The following RBFOX1 variants were observed in gnomAD, a reference collection of about 807,000 sequenced individuals.
The protein encoded by RBFOX1 is RNA binding fox-1 homolog 1.
In RBFOX1, 8 loss-of-function variants were observed where a neutral mutation model predicts 57.7. That is an observed-to-expected ratio of 0.14 (90% confidence interval 0.08 to 0.25). RBFOX1 has a LOEUF of 0.25. Ranked by LOEUF, RBFOX1 falls within the 10% of genes least tolerant of loss-of-function variation. The pLI, the probability that RBFOX1 is intolerant of heterozygous loss-of-function variation, is 1.00. For missense variants in RBFOX1, 611 were observed against 548.5 expected, an observed-to-expected ratio of 1.11 and a Z score of -1.14; for synonymous variants, 326 against 222.4, an observed-to-expected ratio of 1.47 and a Z score of -4.15.
At chr16:5,779,335 C>T (rs748365307) in intron 3 of RBFOX1, among the ~76,000 whole-genome samples, 1 of 152,156 alleles carries the variant, frequency 6.6e-6, no homozygotes, top group Non-Finnish European at 1.5e-5. Flanking sequence ...CAAACTTGAT[C>T]TCTGCTCCCT....
chr16:6,969,494 G>A (rs2085036505), intron 3 of RBFOX1, among the ~76,000 whole-genome samples: 2 of 152,072 alleles, frequency 1.3e-5, no homozygotes, highest in Admixed American at 6.5e-5. Flanking sequence ...CAGCACTTCA[G>A]GAGGCCAACG....
chr16:5,866,127 C>G (rs1470960637), intron 3 of RBFOX1, among the ~76,000 whole-genome samples: 1 of 152,102 alleles, frequency 6.6e-6, no homozygotes, highest in Non-Finnish European at 1.5e-5. Context: ...ACCACCATGC[C>G]CAGCTAATTT....
intron 2 of RBFOX1, among the ~76,000 whole-genome samples, chr16:6,565,029 G>A (rs1022505098): frequency 4.0e-5 from 6 of 150,306 alleles, no homozygotes. Flanking sequence ...TAATCCTGGG[G>A]AGACTAAACA....
intron 2 of RBFOX1, among the ~76,000 whole-genome samples, chr16:5,563,824 G>T (rs541831354): frequency 6.6e-6 from 1 of 152,158 alleles, no homozygotes; most frequent in East Asian, 1.9e-4. Context: ...GTACCTTTTA[G>T]CAGCCACATC....
chr16:5,658,634 C>G (rs2049535226), intron 3 of RBFOX1, among the ~76,000 whole-genome samples: 1 of 151,810 alleles, frequency 6.6e-6, no homozygotes, highest in Non-Finnish European at 1.5e-5. Flanking sequence ...AGTTACTTCC[C>G]TTAGAATAAT....
At chr16:6,189,895 T>C (rs2097131237) in intron 1 of RBFOX1, among the ~76,000 whole-genome samples, 1 of 152,244 alleles carries the variant, frequency 6.6e-6, no homozygotes, top group Admixed American at 6.5e-5. Flanking sequence ...TTTGCTTTGG[T>C]TGCCTGTGCT....
intron 2 of RBFOX1, among the ~76,000 whole-genome samples, chr16:6,535,293 G>A (rs568735623): frequency 9.2e-5 from 14 of 152,220 alleles, no homozygotes; most frequent in African/African-American, 2.9e-4. Flanking sequence ...AGAAATTGAG[G>A]GATCACACTG....
chr16:5,498,259 C>T (rs1203862465), intron 2 of RBFOX1, among the ~76,000 whole-genome samples: 2 of 152,204 alleles, frequency 1.3e-5, no homozygotes, highest in Non-Finnish European at 2.9e-5. Context: ...TCTCCTGCTT[C>T]AGCTTCTCAA....
intron 4 of RBFOX1, among the ~76,000 whole-genome samples, chr16:7,360,663 T>G (rs1314842863): frequency 6.6e-6 from 1 of 152,210 alleles, no homozygotes; most frequent in Non-Finnish European, 1.5e-5. Flanking sequence ...CTCCCTTGCT[T>G]GGAATGCCTG....
intron 2 of RBFOX1, among the ~76,000 whole-genome samples, chr16:6,595,582 G>T (rs2097769148): frequency 1.3e-5 from 2 of 152,140 alleles, no homozygotes; most frequent in South Asian, 4.1e-4. Flanking sequence ...ACCTACAAGT[G>T]GAATTTCTGG....
intron 3 of RBFOX1, among the ~76,000 whole-genome samples, chr16:6,976,683 C>T (rs1174105415): frequency 6.7e-6 from 1 of 148,718 alleles, no homozygotes; most frequent in Admixed American, 6.8e-5. Context: ...TCATATATAT[C>T]ATACCTATAG....
chr16:7,470,285 G>A (rs925186734), intron 4 of RBFOX1, among the ~76,000 whole-genome samples: 7 of 152,196 alleles, frequency 4.6e-5, no homozygotes, highest in African/African-American at 1.7e-4. Context: ...TAGTGCAGGT[G>A]CCCTGCCAGT....
chr16:6,765,987 A>G (rs192152512), intron 3 of RBFOX1, among the ~76,000 whole-genome samples: 1 of 152,252 alleles, frequency 6.6e-6, no homozygotes, highest in Admixed American at 6.5e-5. Context: ...ATGGGAGGGT[A>G]GAAGGGGGAT....
At chr16:7,688,032 A>G (rs2076438734) in intron 14 of RBFOX1, among the ~76,000 whole-genome samples, 1 of 152,058 alleles carries the variant, frequency 6.6e-6, no homozygotes, top group African/African-American at 2.4e-5. Context: ...TTATTAAAAA[A>G]CAAAGTATTG....
chr16:7,406,755 C>A (rs567647566), intron 4 of RBFOX1, among the ~76,000 whole-genome samples: 2 of 152,182 alleles, frequency 1.3e-5, no homozygotes. Flanking sequence ...ACTCTCTTAG[C>A]GTTCCAGAGG....
At chr16:6,988,891 C>T (rs1035095182) in intron 3 of RBFOX1, among the ~76,000 whole-genome samples, 2 of 152,146 alleles carry the variant, frequency 1.3e-5, no homozygotes, top group East Asian at 1.9e-4. Flanking sequence ...CCTGCCTTAG[C>T]CTCCTAAGTA....
At chr16:7,094,777 G>GTGTGTGTGTGTGTGTGTGTGTGT (rs1567232668) in intron 4 of RBFOX1, among the ~76,000 whole-genome samples, 1 of 53,602 alleles carries the variant, frequency 1.9e-5, no homozygotes, top group African/African-American at 5.1e-5. Flanking sequence ...TGTGTGTGTG[G>GTGTGTGTGTGTGTGTGTGTGTGT]GTGTGTGTGT....
At chr16:6,576,975 A>G (rs2097448508) in intron 2 of RBFOX1, 1 of 152,246 alleles carries the variant, frequency 6.6e-6, no homozygotes, top group Non-Finnish European at 1.5e-5. Context: ...CCCTTTTATC[A>G]AAGCGGTGAC....
intron 3 of RBFOX1, among the ~76,000 whole-genome samples, chr16:6,670,991 C>G (rs139063080): frequency 0.01 from 1,578 of 152,220 alleles, 24 homozygotes; most frequent in African/African-American, 0.036. Context: ...CAGAGCGAGA[C>G]TCCATCTCAA....
Sources: gnomAD v4.1 joint callset for allele counts (sites outside exome capture counted in the v4.1 genomes callset) on GRCh38, gnomAD v4.1.1 for gene constraint, MANE v1.5 for transcripts, NCBI Gene and HGNC (gene_info 2026-07-23, HGNC 2026-07-21) for gene names.